METTL15: variants seen among roughly 807,000 people sequenced by gnomAD.
METTL15 encodes the protein methyltransferase 15, mitochondrial 12S rRNA N4-cytidine.
Under a neutral mutation model 38.3 loss-of-function variants are expected in METTL15, and 34 were observed. The ratio of observed to expected loss-of-function variants is 0.89; its 90% CI spans 0.68 to 1.18. The LOEUF (loss-of-function observed/expected upper bound fraction) is 1.18, where lower values mean the gene tolerates loss of function less well. METTL15 is among the 50% of genes most tolerant of loss of function. The pLI, the probability that METTL15 is intolerant of heterozygous loss-of-function variation, is 0.00. For synonymous variants in METTL15, 162 were observed against 170.9 expected, an observed-to-expected ratio of 0.95 and a Z score of 0.41; for missense variants, 438 against 498.4, an observed-to-expected ratio of 0.88 and a Z score of 1.15.
At chr11:28,274,940 A>AAT (rs928517072) in intron 4 of METTL15, among the ~76,000 whole-genome samples, 22 of 150,998 alleles carry the variant, frequency 1.5e-4, no homozygotes, top group South Asian at 6.3e-4. Context: ...TATAATACAA[A>AAT]ATATATATAT....
intron 6 of METTL15, among the ~76,000 whole-genome samples, chr11:28,326,638 G>T (rs1275927575): frequency 2.6e-5 from 4 of 151,970 alleles, no homozygotes; most frequent in Admixed American, 6.6e-5. Context: ...GTGCAGTGGT[G>T]CAATCATGGC....
chr11:28,313,906 A>G (rs1003975293), intron 6 of METTL15, among the ~76,000 whole-genome samples: 2 of 152,142 alleles, frequency 1.3e-5, no homozygotes, highest in African/African-American at 2.4e-5. Context: ...TAGCACATAT[A>G]TGCCTTTAGC....
At chr11:28,347,778 T>TC (rs368192259) in intron 3 of METTL15, among the ~76,000 whole-genome samples, 114 of 152,336 alleles carry the variant, frequency 7.5e-4, no homozygotes, top group African/African-American at 2.5e-3. Context: ...TAGAATGATT[T>TC]CTCTCTAAGT....
At chr11:28,343,689 A>C (rs1467013480) in intron 3 of METTL15, among the ~76,000 whole-genome samples, 2 of 152,204 alleles carry the variant, frequency 1.3e-5, no homozygotes, top group Non-Finnish European at 2.9e-5. Flanking sequence ...TAATATTTAA[A>C]GTTGTATTTG....
chr11:28,184,377 G>A (rs552796746), intron 3 of METTL15, among the ~76,000 whole-genome samples: 2 of 151,972 alleles, frequency 1.3e-5, no homozygotes, highest in South Asian at 2.1e-4. Context: ...GATCATTCCT[G>A]CTTTCTCTTG....
chr11:28,190,118 A>C (rs1429049478), intron 3 of METTL15, among the ~76,000 whole-genome samples: 1 of 151,174 alleles, frequency 6.6e-6, no homozygotes, highest in Non-Finnish European at 1.5e-5. Flanking sequence ...GCTGTTTATT[A>C]GTAATGGTTT....
intron 3 of METTL15, among the ~76,000 whole-genome samples, chr11:28,142,640 A>G (rs1437785411): frequency 6.6e-6 from 1 of 152,228 alleles, no homozygotes; most frequent in Non-Finnish European, 1.5e-5. Flanking sequence ...GGCTAAGTGT[A>G]GACAGCAAGG....
At chr11:28,311,821 T>C (rs968541576) in intron 6 of METTL15, among the ~76,000 whole-genome samples, 1 of 152,238 alleles carries the variant, frequency 6.6e-6, no homozygotes, top group East Asian at 1.9e-4. Flanking sequence ...TAGTGGGTAA[T>C]TGAGTGAGTT....
chr11:28,314,859 G>A (rs527422250), intron 6 of METTL15, among the ~76,000 whole-genome samples: 27 of 152,254 alleles, frequency 1.8e-4, no homozygotes, highest in African/African-American at 5.8e-4. Flanking sequence ...TTTAAAAAAC[G>A]GGAGATGCCC....
chr11:28,117,311 G>C (rs956354151), intron 3 of METTL15, among the ~76,000 whole-genome samples: 1 of 139,488 alleles, frequency 7.2e-6, no homozygotes, highest in Non-Finnish European at 1.5e-5. Context: ...GAAAGGATAG[G>C]GGCAGTTAGT....
chr11:28,157,718 G>A (rs369182535), intron 3 of METTL15, among the ~76,000 whole-genome samples: 51 of 152,194 alleles, frequency 3.4e-4, no homozygotes, highest in Admixed American at 1.0e-3. Flanking sequence ...GCTCGAGCAG[G>A]TCCTGAAGGC....
intron 5 of METTL15, among the ~76,000 whole-genome samples, chr11:28,403,977 T>C (rs1389764501): frequency 6.6e-6 from 1 of 152,040 alleles, no homozygotes; most frequent in East Asian, 1.9e-4. Flanking sequence ...GATGGGTAAA[T>C]TACTGTAGCA....
Position 28,390,304 on chromosome 11 carries a change from A to G in METTL15, c.*358+28268A>G, listed in dbSNP as rs866259464. Among the ~76,000 whole-genome samples, 719 of 149,528 alleles carry G rather than the reference A, an allele frequency of 4.8e-3. 3 individuals carry two copies. The highest frequency in any genetic ancestry group is 0.016 in the African/African-American group (673 of 40,796). On this transcript the variant is annotated intron_variant and NMD_transcript_variant, in intron 5 of 7. Coordinates refer to the METTL15 transcript ENST00000532947. ...TGTTTTAGACATGAAGTCCTTGCCC[A>G]TGCCTATGTCCTGAATGGTAATGCC... is the stretch of plus-strand genomic sequence containing the variant.
At chr11:28,446,515 C>T (rs897670296) in intron 6 of METTL15, among the ~76,000 whole-genome samples, 28 of 152,056 alleles carry the variant, frequency 1.8e-4, no homozygotes, top group South Asian at 2.1e-4. Context: ...CACTTGCCCT[C>T]AGGTTTCTTT....
At chr11:28,238,530 A>T (rs1854132687) in intron 4 of METTL15, among the ~76,000 whole-genome samples, 1 of 152,172 alleles carries the variant, frequency 6.6e-6, no homozygotes, top group African/African-American at 2.4e-5. Flanking sequence ...TTGACCAGGA[A>T]AGGGAACTCC....
At chr11:28,404,016 G>T (rs1023619409) in intron 5 of METTL15, among the ~76,000 whole-genome samples, 1 of 151,866 alleles carries the variant, frequency 6.6e-6, no homozygotes, top group African/African-American at 2.4e-5. Flanking sequence ...TTCAACATAA[G>T]CTTTAGTTTG....
At chr11:28,427,817 C>CT (rs1353899839) in intron 6 of METTL15, among the ~76,000 whole-genome samples, 2 of 152,142 alleles carry the variant, frequency 1.3e-5, no homozygotes, top group Non-Finnish European at 2.9e-5. Flanking sequence ...AGCTTATTGG[C>CT]TTAAGAAGCT....
At chr11:28,328,888 A>G (rs1447813039) in intron 6 of METTL15, among the ~76,000 whole-genome samples, 1 of 151,948 alleles carries the variant, frequency 6.6e-6, no homozygotes, top group African/African-American at 2.4e-5. Flanking sequence ...ATGATTTGCA[A>G]ATTTTTTCCC....
At chr11:28,185,485 C>A (rs999555041) in intron 3 of METTL15, among the ~76,000 whole-genome samples, 1 of 151,292 alleles carries the variant, frequency 6.6e-6, no homozygotes, top group Non-Finnish European at 1.5e-5. Context: ...ATATACAAAT[C>A]ATCTTCAAAA....
Sources: allele counts gnomAD v4.1 joint callset (sites outside exome capture counted in the v4.1 genomes callset), GRCh38; gene constraint gnomAD v4.1.1; transcripts MANE v1.5; gene names NCBI Gene and HGNC (gene_info 2026-07-23, HGNC 2026-07-21).